Variants in IL1RAPL1 observed in about 807,000 individuals in gnomAD.
IL1RAPL1 encodes the protein interleukin-1 receptor accessory protein-like 1.
Under a neutral mutation model 48.4 loss-of-function variants are expected in IL1RAPL1, and 3 were observed. That is an observed-to-expected ratio of 0.06 (90% CI 0.03 to 0.16). The LOEUF is 0.16. Ranked by LOEUF, IL1RAPL1 falls within the 10% of genes least tolerant of loss-of-function variation. IL1RAPL1 has a pLI of 1.00. For missense variants in IL1RAPL1, 349 were observed against 530.6 expected, an observed-to-expected ratio of 0.66 and a Z score of 3.36; for synonymous variants, 185 against 187.7, an observed-to-expected ratio of 0.99 and a Z score of 0.12.
chrX:29,570,504 A>G (rs1161671836), intron 5 of IL1RAPL1, among the ~76,000 whole-genome samples: 1 of 112,505 alleles, frequency 8.9e-6, no homozygotes, highest in Admixed American at 9.4e-5. Flanking sequence ...ACTTAAAAGT[A>G]TGGGAGTTTG....
intron 6 of IL1RAPL1, among the ~76,000 whole-genome samples, chrX:29,903,196 GA>G: frequency 9.2e-6 from 1 of 108,660 alleles, no homozygotes; most frequent in South Asian, 3.9e-4. Flanking sequence ...GAGAGAGAGA[GA>G]GAGAGAGACA....
At chrX:29,007,662 A>G (rs747551123) in intron 2 of IL1RAPL1, among the ~76,000 whole-genome samples, 1 of 112,290 alleles carries the variant, frequency 8.9e-6, no homozygotes, top group African/African-American at 3.2e-5. Flanking sequence ...TCTGAAGGCT[A>G]TCATGAGATT....
intron 5 of IL1RAPL1, among the ~76,000 whole-genome samples, chrX:29,509,914 T>C (rs993471191): frequency 1.8e-5 from 2 of 112,114 alleles, no homozygotes; most frequent in Non-Finnish European, 1.9e-5. Context: ...TTTAATAAAA[T>C]TGAAATAAAA....
At chrX:29,685,753 G>A (rs768787105) in intron 6 of IL1RAPL1, among the ~76,000 whole-genome samples, 2 of 110,440 alleles carry the variant, frequency 1.8e-5, no homozygotes, top group Non-Finnish European at 3.8e-5. Context: ...TTGGGAGGCC[G>A]AGGTGGGTGG....
chrX:29,900,320 TAAATC>T (rs1033916347), intron 6 of IL1RAPL1, among the ~76,000 whole-genome samples: 10 of 112,513 alleles, frequency 8.9e-5, no homozygotes, highest in African/African-American at 3.2e-4. Flanking sequence ...TGAAAACTAA[TAAATC>T]TAATGATTAC....
At chrX:29,117,504 T>C (rs945705933) in intron 2 of IL1RAPL1, among the ~76,000 whole-genome samples, 2 of 112,194 alleles carry the variant, frequency 1.8e-5, no homozygotes, top group African/African-American at 6.5e-5. Flanking sequence ...CTTTGGACTT[T>C]TTGTGATTTC....
chrX:28,595,605 A>G (rs192022487), intron 1 of IL1RAPL1, among the ~76,000 whole-genome samples: 178 of 112,092 alleles, frequency 1.6e-3, no homozygotes, highest in Non-Finnish European at 2.8e-3. Flanking sequence ...CTGGCTATGA[A>G]CACTATGATG....
chrX:29,898,164 A>AT, intron 6 of IL1RAPL1, among the ~76,000 whole-genome samples: 1 of 112,281 alleles, frequency 8.9e-6, no homozygotes, highest in East Asian at 2.8e-4. Context: ...AAACAGTGAT[A>AT]TAAAAAATAC....
At chrX:29,077,951 G>A (rs1327290985) in intron 2 of IL1RAPL1, among the ~76,000 whole-genome samples, 1 of 111,724 alleles carries the variant, frequency 9.0e-6, no homozygotes, top group Non-Finnish European at 1.9e-5. Context: ...AAGAAGAAAA[G>A]CCACGCTACA....
chrX:29,385,466 A>G (rs1373896131), intron 3 of IL1RAPL1, among the ~76,000 whole-genome samples: 9 of 112,450 alleles, frequency 8.0e-5, no homozygotes, highest in African/African-American at 2.9e-4. Context: ...TAAAAAAAAA[A>G]GAAAAAGAAA....
At chrX:29,008,168 A>ATT (rs1203523772) in intron 2 of IL1RAPL1, among the ~76,000 whole-genome samples, 4 of 98,168 alleles carry the variant, frequency 4.1e-5, no homozygotes, top group Admixed American at 2.2e-4. Context: ...GGCCCGGATA[A>ATT]TTTTTTTTTT....
intron 1 of IL1RAPL1, among the ~76,000 whole-genome samples, chrX:28,775,149 G>A (rs1300335273): frequency 1.8e-5 from 2 of 111,695 alleles, no homozygotes; most frequent in South Asian, 7.4e-4. Flanking sequence ...TATCTTATTA[G>A]TACTTGTATT....
chrX:29,815,957 T>C (rs1930482403), intron 6 of IL1RAPL1, among the ~76,000 whole-genome samples: 1 of 111,265 alleles, frequency 9.0e-6, no homozygotes, highest in Admixed American at 9.6e-5. Flanking sequence ...ACTAAATACC[T>C]ATATCAAGAG....
Position 29,651,313 on chromosome X carries a change from T to C in IL1RAPL1, c.704-17117T>C, listed in dbSNP as rs764195670. Among the ~76,000 whole-genome samples, 3 of 111,245 alleles carry C rather than the reference T, an allele frequency of 2.7e-5. No homozygotes were observed. The South Asian group carries it at 1.1e-3, about 41-fold the overall frequency. On this transcript the variant is annotated intron_variant, in intron 5 of 10. Transcript: ENST00000378993. The stretch of plus-strand genomic sequence containing the variant: ...ACGAAGTGAGTATGTCAGAAACATA[T>C]GCACTTCTATGTATATTGCAGCATT...
rs1489578031 is a variant in IL1RAPL1, at chrX:29,782,723, G to A, written c.778+114219G>A. Among the ~76,000 whole-genome samples, 4 of 109,266 alleles carry A rather than the reference G, an allele frequency of 3.7e-5. No individual in the cohort carries two copies. The East Asian group carries it at 8.6e-4, about 23-fold the overall frequency. 94.9% of individuals were successfully genotyped at this position (109,266 alleles called of 115,157 possible). A position where few individuals can be genotyped will look rare whatever the true frequency, so the allele number is the denominator to read the frequency against. On this transcript the variant is annotated intron_variant, in intron 6 of 10. Coordinates refer to ENST00000378993, the MANE Select transcript of IL1RAPL1 (RefSeq NM_014271.4). The stretch of plus-strand genomic sequence containing the variant: ...AATAAGTAGTAATTTATCTAGCAAA[G>A]GATATAGGAAAAAGCATTATAATGA...
chrX:29,837,296 TATATAC>T (rs1190120016), intron 6 of IL1RAPL1, among the ~76,000 whole-genome samples: 2,243 of 74,369 alleles, frequency 0.03, 78 homozygotes, highest in African/African-American at 0.098. Flanking sequence ...TATATATATA[TATATAC>T]ACACACACAC....
chrX:29,352,843 C>T (rs1362446103), intron 3 of IL1RAPL1, among the ~76,000 whole-genome samples: 1 of 111,444 alleles, frequency 9.0e-6, no homozygotes, highest in Non-Finnish European at 1.9e-5. Context: ...GGAAAGGTTG[C>T]TCCAATTAAC....
chrX:29,375,159 A>AT (rs764787587), intron 3 of IL1RAPL1, among the ~76,000 whole-genome samples: 4,267 of 75,945 alleles, frequency 0.056, 460 homozygotes, highest in African/African-American at 0.2. Flanking sequence ...ATTGGGAGCA[A>AT]TTTTTTTTTT....
chrX:28,616,464 A>C (rs1340297428), intron 1 of IL1RAPL1, among the ~76,000 whole-genome samples: 1 of 105,107 alleles, frequency 9.5e-6, no homozygotes, highest in Non-Finnish European at 1.9e-5. Flanking sequence ...ATGGCGTTTC[A>C]CTCTTGTCAC....
Sources: allele counts gnomAD v4.1 joint callset (sites outside exome capture counted in the v4.1 genomes callset), GRCh38; gene constraint gnomAD v4.1.1; transcripts MANE v1.5; gene names NCBI Gene and HGNC (gene_info 2026-07-23, HGNC 2026-07-21).